DRC4: variants seen among roughly 807,000 people sequenced by gnomAD.
DRC4 encodes the protein dynein regulatory complex subunit 4, also known as GAS-11.
the DRC4 span, chr16:90,029,385 T>C: frequency 6.3e-6 from 7 of 1,112,594 alleles, no homozygotes; most frequent in Non-Finnish European, 8.5e-6. Flanking sequence ...AGTTCAGTGC[T>C]GTTTTTTTCT....
the DRC4 span, among the ~76,000 whole-genome samples, chr16:90,021,616 C>T: frequency 6.6e-6 from 1 of 151,924 alleles, no homozygotes; most frequent in Non-Finnish European, 1.5e-5. Flanking sequence ...CACGTGCTCC[C>T]AGCACTTTGG....
chr16:90,022,572 C>T, the DRC4 span: 1 of 902,634 alleles, frequency 1.1e-6, no homozygotes, highest in Non-Finnish European at 1.5e-6. Flanking sequence ...GGGACGCACT[C>T]CCGCCTTTGG....
chr16:90,041,155 A>G, the DRC4 span, among the ~76,000 whole-genome samples: 2 of 152,246 alleles, frequency 1.3e-5, no homozygotes, highest in Non-Finnish European at 2.9e-5. Flanking sequence ...ATGAGGGTGA[A>G]GAGAGCAGTC....
At chr16:90,040,430 A>G in the DRC4 span, 1 of 1,612,318 alleles carries the variant, frequency 6.2e-7, no homozygotes, top group South Asian at 1.1e-5. Context: ...GTGGAGAAGA[A>G]GGAGGTGCAG....
chr16:90,036,762 T>G, the DRC4 span: 1 of 714,980 alleles, frequency 1.4e-6, no homozygotes, highest in East Asian at 2.7e-5. Flanking sequence ...TAACGTAACC[T>G]ATCTCTACCT....
the DRC4 span, chr16:90,030,018 A>C: frequency 6.6e-6 from 1 of 152,168 alleles, no homozygotes; most frequent in African/African-American, 2.4e-5. Flanking sequence ...CTGCCTCCCA[A>C]AGTGCTGGGA....
the DRC4 span, among the ~76,000 whole-genome samples, chr16:90,031,653 A>G: frequency 3.9e-5 from 6 of 152,152 alleles, no homozygotes; most frequent in African/African-American, 7.2e-5. Context: ...GAGACCCTGC[A>G]GGTCCTGAGG....
chr16:90,042,390 G>A, the DRC4 span: 337 of 1,113,184 alleles, frequency 3.0e-4, no homozygotes, highest in Non-Finnish European at 4.0e-4. Flanking sequence ...CTCTCAGAAC[G>A]CCCACTGGAG....
chr16:90,043,214 C>T, the DRC4 span: 134 of 1,613,094 alleles, frequency 8.3e-5, no homozygotes, highest in South Asian at 9.0e-4. Flanking sequence ...CGACCTGCTG[C>T]GCACGTATGA....
the DRC4 span, chr16:90,036,632 A>G: frequency 6.6e-7 from 1 of 1,525,880 alleles, no homozygotes; most frequent in South Asian, 1.2e-5. Flanking sequence ...TGCCTGTCCT[A>G]GAATGTGGGC....
the DRC4 span, among the ~76,000 whole-genome samples, chr16:90,023,513 T>G: frequency 6.6e-6 from 1 of 152,236 alleles, no homozygotes; most frequent in African/African-American, 2.4e-5. Flanking sequence ...TGCAGCTGGC[T>G]GTGAAGGTCC....
the DRC4 span, among the ~76,000 whole-genome samples, chr16:90,030,373 G>C: frequency 6.6e-6 from 1 of 152,058 alleles, no homozygotes; most frequent in Non-Finnish European, 1.5e-5. Context: ...ACAGGGTCCT[G>C]CTCTGTCACC....
chr16:90,022,908 G>A, the DRC4 span, among the ~76,000 whole-genome samples: 1 of 152,124 alleles, frequency 6.6e-6, no homozygotes, highest in African/African-American at 2.4e-5. Flanking sequence ...CCGGCCCCGG[G>A]GCCTGGCAGC....
chr16:90,031,607 C>G, the DRC4 span: 1 of 1,202,042 alleles, frequency 8.3e-7, no homozygotes, highest in Admixed American at 2.5e-5. Flanking sequence ...TTGGGAGTCA[C>G]AGCCTTAAAG....
the DRC4 span, among the ~76,000 whole-genome samples, chr16:90,041,120 C>G: frequency 6.6e-6 from 1 of 152,190 alleles, no homozygotes; most frequent in Non-Finnish European, 1.5e-5. Context: ...GAGGGCTGCA[C>G]CCAGCCTGCT....
chr16:90,043,037 T>G, the DRC4 span: 2 of 749,106 alleles, frequency 2.7e-6, no homozygotes, highest in Non-Finnish European at 4.2e-6. Flanking sequence ...GCAGTGAAGG[T>G]GCTTGGAGCT....
At chr16:90,041,445 C>G in the DRC4 span, among the ~76,000 whole-genome samples, 2 of 152,216 alleles carry the variant, frequency 1.3e-5, no homozygotes, top group African/African-American at 4.8e-5. Flanking sequence ...TGCCTCGCCA[C>G]GTGGTGAGAC....
chr16:90,042,953 C>T, the DRC4 span: 1 of 544,358 alleles, frequency 1.8e-6, no homozygotes, highest in East Asian at 3.0e-5. Flanking sequence ...AGTGTCCCTG[C>T]CCTCTGCCTC....
the DRC4 span, among the ~76,000 whole-genome samples, chr16:90,027,078 A>G: frequency 7.1e-6 from 1 of 141,514 alleles, no homozygotes; most frequent in Non-Finnish European, 1.5e-5. Context: ...ACACCTGGCT[A>G]GGTTTCCTCT....
Sources: gnomAD v4.1 joint callset for allele counts (sites outside exome capture counted in the v4.1 genomes callset) on GRCh38, gnomAD v4.1.1 for gene constraint, MANE v1.5 for transcripts, NCBI Gene and HGNC (gene_info 2026-07-23, HGNC 2026-07-21) for gene names.